Variants in RIN2 observed in about 807,000 individuals in gnomAD.
The protein encoded by RIN2 is RAB5 interacting protein 2.
Under a neutral mutation model 78.0 loss-of-function variants are expected in RIN2, and 36 were observed. The observed-to-expected ratio is 0.46, with a 90% CI of 0.35 to 0.61. RIN2 has a LOEUF of 0.61. Among genes scored for constraint, RIN2 ranks in the 20% least tolerant of loss-of-function variants. The pLI is 0.00. For synonymous variants in RIN2, 466 were observed against 466.8 expected (o/e 1.00, Z 0.02); for missense variants, 1,087 against 1,159.7 (o/e 0.94, Z 0.91).
At chr20:19,832,290 A>C (rs977732536) in intron 2 of RIN2, among the ~76,000 whole-genome samples, 30 of 146,340 alleles carry the variant, frequency 2.1e-4, no homozygotes, top group Admixed American at 2.8e-4. Flanking sequence ...TTTCTAAGCC[A>C]GCATGGTGAT....
At chr20:19,885,690 C>CAAA (rs578245984) in intron 2 of RIN2, among the ~76,000 whole-genome samples, 351 of 132,642 alleles carry the variant, frequency 2.6e-3, no homozygotes, top group African/African-American at 9.4e-3. Flanking sequence ...AGCAAACAAA[C>CAAA]AAAAAAAAAA....
chr20:19,979,599 C>T (rs534520101), intron 9 of RIN2, among the ~76,000 whole-genome samples: 1 of 151,880 alleles, frequency 6.6e-6, no homozygotes, highest in Non-Finnish European at 1.5e-5. Flanking sequence ...TACTCTGGTT[C>T]AGATCTGGGT....
chr20:19,810,449 C>T (rs2035552955), intron 2 of RIN2, among the ~76,000 whole-genome samples: 1 of 151,894 alleles, frequency 6.6e-6, no homozygotes, highest in Non-Finnish European at 1.5e-5. Flanking sequence ...CATGGGCTGC[C>T]AGGGCCCCCA....
intron 2 of RIN2, among the ~76,000 whole-genome samples, chr20:19,805,227 G>A (rs2122744503): frequency 6.6e-6 from 1 of 152,278 alleles, no homozygotes. Context: ...CAATGAGGGA[G>A]TAGGGAGTGG....
chr20:19,964,809 C>T, intron 6 of RIN2, 143 bp from the exon 7 acceptor site: 2 of 689,746 alleles, frequency 2.9e-6, no homozygotes, highest in South Asian at 1.6e-5. Context: ...TGACATGCCT[C>T]CTCTGCACAG....
In RIN2 at chr20:19,859,107, G is replaced by C. The variant is rs745427858; in HGVS notation, c.-36-30459G>C. Among the ~76,000 whole-genome samples the C allele has an allele frequency of 2.0e-5, 3 of 152,320 alleles. No homozygotes were observed. The South Asian group carries it at 6.2e-4, about 32-fold the overall frequency. On this transcript the variant is annotated intron_variant, in intron 2 of 12. Coordinates refer to ENST00000255006, the MANE Select transcript of RIN2 (RefSeq NM_018993.4). Reference sequence around the variant, plus strand: ...ATACTTCCATGCCAGGCCCTTCCAGGGGGTCATACTTAGAATGTTGGGACT... The same window carrying C: ...ATACTTCCATGCCAGGCCCTTCCAGCGGGTCATACTTAGAATGTTGGGACT...
At chr20:19,915,048 G>T (rs552032769) in intron 3 of RIN2, among the ~76,000 whole-genome samples, 1 of 152,210 alleles carries the variant, frequency 6.6e-6, no homozygotes, top group East Asian at 1.9e-4. Context: ...GGTAGTGAAG[G>T]TATCTGACTG....
At chr20:19,938,128 G>T (rs1409153281) in intron 4 of RIN2, among the ~76,000 whole-genome samples, 2 of 152,158 alleles carry the variant, frequency 1.3e-5, no homozygotes, top group African/African-American at 4.8e-5. Flanking sequence ...CCAGTGCCCT[G>T]GCTGGTTCTT....
At chr20:19,811,035 T>C (rs2035583316) in intron 2 of RIN2, among the ~76,000 whole-genome samples, 1 of 119,732 alleles carries the variant, frequency 8.4e-6, no homozygotes, top group South Asian at 2.6e-4. Context: ...CAAATAACGA[T>C]TGTTTAATAT....
chr20:19,801,678 G>A (rs937571256), intron 2 of RIN2, among the ~76,000 whole-genome samples: 4 of 152,200 alleles, frequency 2.6e-5, no homozygotes, highest in African/African-American at 2.4e-5. Flanking sequence ...GGGAAGGCCC[G>A]GGATTGGTCT....
At chr20:19,916,126 G>A (rs2039674650) in intron 3 of RIN2, among the ~76,000 whole-genome samples, 1 of 152,202 alleles carries the variant, frequency 6.6e-6, no homozygotes, top group Non-Finnish European at 1.5e-5. Flanking sequence ...TGTAGTCCCA[G>A]CTACTCGGGA....
At chr20:19,939,010 C>A (rs1428297147) in intron 4 of RIN2, among the ~76,000 whole-genome samples, 1 of 152,058 alleles carries the variant, frequency 6.6e-6, no homozygotes, top group Non-Finnish European at 1.5e-5. Flanking sequence ...CATAACTGCC[C>A]TCCTCCCATC....
At chr20:19,972,824 CTGGGTAA>C (rs1568683150) in intron 8 of RIN2, among the ~76,000 whole-genome samples, 1 of 152,174 alleles carries the variant, frequency 6.6e-6, no homozygotes, top group Non-Finnish European at 1.5e-5. Flanking sequence ...ACCTGCTGTC[CTGGGTAA>C]TAGAAACATA....
At chr20:19,811,647 C>T (rs778948896) in intron 2 of RIN2, among the ~76,000 whole-genome samples, 32 of 152,256 alleles carry the variant, frequency 2.1e-4, no homozygotes, top group Non-Finnish European at 2.9e-4. Context: ...CCTACAAGGT[C>T]TTTGGTCTGA....
chr20:19,855,275 C>T (rs1166181364), intron 2 of RIN2, among the ~76,000 whole-genome samples: 16 of 152,048 alleles, frequency 1.1e-4, no homozygotes, highest in Admixed American at 6.6e-5. Flanking sequence ...CTGCTGGATT[C>T]GGTTTGCCAG....
chr20:19,968,869 G>A (rs998985405), intron 7 of RIN2, among the ~76,000 whole-genome samples: 4 of 151,990 alleles, frequency 2.6e-5, no homozygotes, highest in Non-Finnish European at 1.5e-5. Context: ...CAGGGTTGCC[G>A]CCCTGCCAGG....
chr20:19,830,239 C>A (rs1162344711), intron 2 of RIN2, among the ~76,000 whole-genome samples: 5 of 151,566 alleles, frequency 3.3e-5, no homozygotes, highest in African/African-American at 1.2e-4. Flanking sequence ...CATGAGACTG[C>A]TGGTTTCTCT....
At chr20:19,999,737 A>G (rs1244771072) in intron 12 of RIN2, among the ~76,000 whole-genome samples, 1 of 152,214 alleles carries the variant, frequency 6.6e-6, no homozygotes, top group Non-Finnish European at 1.5e-5. Context: ...GTTTCATGAT[A>G]GCATGTACCT....
intron 1 of RIN2, among the ~76,000 whole-genome samples, chr20:19,789,123 A>T (rs751452969): frequency 2.6e-4 from 40 of 152,230 alleles, no homozygotes; most frequent in Non-Finnish European, 4.9e-4. Flanking sequence ...ATAATGCAGT[A>T]TCTTGGCTTA....
Sources: allele counts gnomAD v4.1 joint callset (sites outside exome capture counted in the v4.1 genomes callset), GRCh38; gene constraint gnomAD v4.1.1; transcripts MANE v1.5; gene names NCBI Gene and HGNC (gene_info 2026-07-23, HGNC 2026-07-21).